Variants in JAZF1 observed in about 807,000 individuals in gnomAD.
JAZF1 encodes the protein juxtaposed with another zinc finger protein 1.
JAZF1 carries 8 observed loss-of-function variants against 26.4 expected under a neutral mutation model. The observed-to-expected ratio is 0.30, with a 90% CI of 0.18 to 0.55. The LOEUF (loss-of-function observed/expected upper bound fraction) is 0.55, where lower values mean the gene tolerates loss of function less well. Ranked by LOEUF, JAZF1 falls within the 20% of genes least tolerant of loss-of-function variation. The pLI, the probability that JAZF1 is intolerant of heterozygous loss-of-function variation, is 0.94. For missense variants in JAZF1, 199 were observed against 322.0 expected, an observed-to-expected ratio of 0.62 and a Z score of 2.92; for synonymous variants, 126 against 122.3, an observed-to-expected ratio of 1.03 and a Z score of -0.20.
intron 2 of JAZF1, among the ~76,000 whole-genome samples, chr7:27,959,679 C>A (rs1204705688): frequency 6.6e-6 from 1 of 152,142 alleles, no homozygotes; most frequent in Non-Finnish European, 1.5e-5. Flanking sequence ...GCAGGCAGAT[C>A]CCCTGAGGTC....
intron 1 of JAZF1, among the ~76,000 whole-genome samples, chr7:28,016,086 G>A (rs1269252567): frequency 1.3e-5 from 2 of 152,172 alleles, no homozygotes; most frequent in Admixed American, 1.3e-4. Flanking sequence ...GGAGTGAACT[G>A]CATGCTGAAA....
intron 1 of JAZF1, among the ~76,000 whole-genome samples, chr7:28,091,817 T>C (rs1043369648): frequency 3.4e-5 from 5 of 147,100 alleles, no homozygotes; most frequent in African/African-American, 1.2e-4. Context: ...AAATATTCTC[T>C]TGTTTTAAAT....
Position 28,180,506 on chromosome 7 carries a change from G to A in JAZF1, c.72C>T (p.Pro24=), listed in dbSNP as rs557487675. The A allele has an allele frequency of 2.5e-6, 4 of 1,611,116 alleles. No individual in the cohort carries two copies. The highest frequency in any genetic ancestry group is 2.7e-5 in the African/African-American group (2 of 74,214). The change falls in exon 1 of 5, where the codon CCC becomes CCT. Residue 24 remains proline (P), a synonymous_variant. Transcript: ENST00000283928. ...TGTGCTCGATGAGGTCGGCCAGGGT[G>A]GGGAAGTGGAGTCCGCAGCCCCCGA... ...CRFGGCGLHF[P]TLADLIEHIE...
chr7:27,906,466 C>T (rs1161221027), intron 2 of JAZF1, among the ~76,000 whole-genome samples: 2 of 152,206 alleles, frequency 1.3e-5, no homozygotes, highest in Non-Finnish European at 2.9e-5. Flanking sequence ...TTCCTGAATA[C>T]TATGTCTTTG....
At chr7:27,914,312 C>T (rs1161505059) in intron 2 of JAZF1, among the ~76,000 whole-genome samples, 1 of 152,112 alleles carries the variant, frequency 6.6e-6, no homozygotes, top group Non-Finnish European at 1.5e-5. Context: ...TCAAATGCTG[C>T]TAACAGCCTG....
At chr7:27,987,713 C>T (rs913439918) in intron 2 of JAZF1, among the ~76,000 whole-genome samples, 6 of 152,342 alleles carry the variant, frequency 3.9e-5, no homozygotes, top group Admixed American at 6.5e-5. Context: ...TCATTGAGAA[C>T]GGGCCATGAT....
rs553182094 is a variant in JAZF1, at chr7:28,026,437, C to T, written c.116-34456G>A. On this transcript the variant is annotated intron_variant, in intron 1 of 4. Coordinates refer to ENST00000283928, the MANE Select transcript of JAZF1 (RefSeq NM_175061.4). ...CCTTTTGTGCACCAAACTGACAGTC[C>T]CTGGCACTTGTGGCCCAGTAATAGC... 7.2e-5 allele frequency among the ~76,000 whole-genome samples: 11 copies of T among 152,198 alleles called. 1 individual carries two copies. The South Asian group carries it at 2.3e-3, about 32-fold the overall frequency.
At chr7:27,856,243 G>T (rs138927185) in intron 3 of JAZF1, among the ~76,000 whole-genome samples, 3 of 152,232 alleles carry the variant, frequency 2.0e-5, no homozygotes, top group Admixed American at 6.5e-5. Context: ...AGACCTTCGC[G>T]GTGAGCGTTA....
At chr7:28,063,921 C>T (rs1156335414) in intron 1 of JAZF1, among the ~76,000 whole-genome samples, 1 of 152,090 alleles carries the variant, frequency 6.6e-6, no homozygotes, top group Non-Finnish European at 1.5e-5. Flanking sequence ...AGAAATGCCA[C>T]AGTGTGAAAG....
chr7:27,899,716 G>A (rs1214315479), intron 2 of JAZF1, among the ~76,000 whole-genome samples: 1 of 152,110 alleles, frequency 6.6e-6, no homozygotes, highest in Admixed American at 6.5e-5. Context: ...GTGAGCCACT[G>A]CGCCTGACTC....
intron 1 of JAZF1, among the ~76,000 whole-genome samples, chr7:28,168,336 G>A (rs1056491189): frequency 2.8e-5 from 4 of 143,004 alleles, no homozygotes; most frequent in Non-Finnish European, 6.0e-5. Flanking sequence ...GAGCTGCGAC[G>A]CGCCATTGCA....
intron 1 of JAZF1, among the ~76,000 whole-genome samples, chr7:28,121,396 C>T (rs888440563): frequency 2.6e-5 from 4 of 152,088 alleles, no homozygotes; most frequent in East Asian, 1.9e-4. Context: ...TCATATGAGA[C>T]GTTCAATTTG....
intron 1 of JAZF1, among the ~76,000 whole-genome samples, chr7:28,156,085 T>C (rs1583589675): frequency 1.3e-5 from 2 of 152,350 alleles, no homozygotes; most frequent in Admixed American, 1.3e-4. Context: ...CTGGTATCTC[T>C]GGCTGCCAAG....
intron 2 of JAZF1, among the ~76,000 whole-genome samples, chr7:27,900,087 G>C (rs1162789918): frequency 6.6e-6 from 1 of 152,172 alleles, no homozygotes; most frequent in Non-Finnish European, 1.5e-5. Flanking sequence ...CTCTGGAATT[G>C]TAGCCCCACT....
chr7:28,067,016 A>C (rs1205005756), intron 1 of JAZF1, among the ~76,000 whole-genome samples: 4 of 151,866 alleles, frequency 2.6e-5, no homozygotes, highest in African/African-American at 9.7e-5. Context: ...CCACAAGTTA[A>C]CTCCTTTGTA....
rs973745974 is a variant in JAZF1, at chr7:27,998,793, C to G, written c.116-6812G>C. Reference sequence around the variant, plus strand: ...CACAAGTGAATGAATAAACATTATTCAACCAAGAACTGTTTGGACAATGTT... The same window carrying G: ...CACAAGTGAATGAATAAACATTATTGAACCAAGAACTGTTTGGACAATGTT... On this transcript the variant is annotated intron_variant, in intron 1 of 4. Transcript: ENST00000283928. Among the ~76,000 whole-genome samples, 18 of 152,190 alleles carry G rather than the reference C, an allele frequency of 1.2e-4. 2 individuals carry two copies. Among genetic ancestry groups the G allele is most frequent in the Admixed American group, 9.8e-4 (15 of 15,270 alleles).
Position 27,859,708 on chromosome 7 carries a change from G to A in JAZF1, c.386-18841C>T, listed in dbSNP as rs192712324. Among the ~76,000 whole-genome samples the A allele has an allele frequency of 2.7e-4, 41 of 152,008 alleles. 1 individual carries two copies. In the South Asian group the frequency reaches 5.6e-3, roughly 21 times the overall value. ...CACAGGGAGGGGAACATCACACACC[G>A]GGGCCTGTTGGGGCATGGGGGGCTA... On this transcript the variant is annotated intron_variant, in intron 3 of 4. Coordinates refer to ENST00000283928, the MANE Select transcript of JAZF1 (RefSeq NM_175061.4).
At chr7:27,950,964 C>T (rs1260855160) in intron 2 of JAZF1, among the ~76,000 whole-genome samples, 1 of 152,022 alleles carries the variant, frequency 6.6e-6, no homozygotes, top group Non-Finnish European at 1.5e-5. Context: ...TCTTTCTCTT[C>T]TAATTTTCTG....
chr7:27,894,422 T>C (rs978056577), intron 3 of JAZF1, among the ~76,000 whole-genome samples: 1 of 152,232 alleles, frequency 6.6e-6, no homozygotes, highest in African/African-American at 2.4e-5. Context: ...TTCAGATTAT[T>C]ATAGGCTAAT....
Sources: gnomAD v4.1 joint callset for allele counts (sites outside exome capture counted in the v4.1 genomes callset) on GRCh38, gnomAD v4.1.1 for gene constraint, MANE v1.5 for transcripts, NCBI Gene and HGNC (gene_info 2026-07-23, HGNC 2026-07-21) for gene names.